The following RTN1 variants were observed in gnomAD, a reference collection of about 807,000 sequenced individuals.
RTN1 encodes the protein reticulon 1, also known as reticulon-1.
In RTN1, 25 loss-of-function variants were observed where a neutral mutation model predicts 65.5. The observed-to-expected ratio is 0.38, with a 90% CI of 0.28 to 0.53. The LOEUF (loss-of-function observed/expected upper bound fraction) is 0.53. Ranked by LOEUF, RTN1 falls within the 20% of genes least tolerant of loss-of-function variation. The pLI is 0.79. For missense variants in RTN1, 983 were observed against 1,025.4 expected (o/e 0.96, Z 0.57); for synonymous variants, 471 against 447.6 (o/e 1.05, Z -0.66).
At chr14:59,621,119 C>T (rs912258636) in intron 3 of RTN1, among the ~76,000 whole-genome samples, 6 of 152,166 alleles carry the variant, frequency 3.9e-5, no homozygotes, top group Admixed American at 6.5e-5. Flanking sequence ...TATCAACTTG[C>T]GTAGGAAGCT....
intron 3 of RTN1, among the ~76,000 whole-genome samples, chr14:59,639,900 ATATAT>A (rs1882741160): frequency 6.6e-6 from 1 of 152,170 alleles, no homozygotes; most frequent in Non-Finnish European, 1.5e-5. Flanking sequence ...CATCATTTTA[ATATAT>A]CACTATTCAA....
chr14:59,813,130 G>A (rs1886759064), intron 1 of RTN1, among the ~76,000 whole-genome samples: 1 of 152,156 alleles, frequency 6.6e-6, no homozygotes. Flanking sequence ...CAGGGACAAA[G>A]TAAGGGCTTT....
At chr14:59,628,087 C>T (rs1433460742) in intron 3 of RTN1, among the ~76,000 whole-genome samples, 1 of 151,938 alleles carries the variant, frequency 6.6e-6, no homozygotes, top group Non-Finnish European at 1.5e-5. Flanking sequence ...GTAATCCCAA[C>T]ACTTTGGGAG....
chr14:59,870,411 C>T lies in RTN1; in HGVS notation c.220G>A (p.Ala74Thr). 2 of 1,524,502 alleles carry T rather than the reference C, an allele frequency of 1.3e-6. No individual in the cohort carries two copies. The highest frequency in any genetic ancestry group is 1.7e-6 in the Non-Finnish European group (2 of 1,148,288). 94.4% of individuals were successfully genotyped at this position (1,524,502 alleles called of 1,614,324 possible). A position where few individuals can be genotyped will look rare whatever the true frequency, so the allele number is the denominator to read the frequency against. The change falls in exon 1 of 9, where the codon GCC (alanine) becomes ACC (threonine). Residue 74 changes from alanine (A) to threonine (T), a missense_variant. Ala to Thr is a moderately conservative substitution (Grantham distance 58, BLOSUM62 0). Coordinates refer to ENST00000267484, the MANE Select transcript of RTN1 (RefSeq NM_021136.3). The surrounding 1 kb of genome is among the most constrained non-coding windows in gnomAD (Gnocchi z 5.1). The stretch of plus-strand genomic sequence containing the variant: ...TTACCTGTGGATGCAGTTTCCATGG[C>T]AACGGGCGACTGCCGGGCGGGGCCC... Reference protein sequence around the residue: ...GSGPARQSPVAMETASTGVAG... With the variant: ...GSGPARQSPVTMETASTGVAG...
At position 59,870,686 on chromosome 14, in the gene RTN1, C is replaced by T; in HGVS notation, c.-56G>A. On this transcript the variant is annotated 5_prime_UTR_variant, in exon 1 of 9. Transcript: ENST00000267484. The surrounding 1 kb of genome is among the most constrained non-coding windows in gnomAD (Gnocchi z 5.1). Reference sequence around the variant, plus strand: ...GCTTGGCTGGGCAGAGGCTCGGTGGCTGCGCGGGCGCTCCCTGCTGCTGTC... The same window carrying T: ...GCTTGGCTGGGCAGAGGCTCGGTGGTTGCGCGGGCGCTCCCTGCTGCTGTC... 1 of 1,310,746 alleles carries T rather than the reference C, an allele frequency of 7.6e-7. No homozygotes were observed. Among genetic ancestry groups the T allele is most frequent in the East Asian group, 3.2e-5 (1 of 31,156 alleles). The allele number at this position is 1,310,746 out of a possible 1,614,324, so 81.2% of individuals were successfully genotyped here. A position where few individuals can be genotyped will look rare whatever the true frequency, so the allele number is the denominator to read the frequency against.
Position 59,727,112 on chromosome 14 carries a change from G to T in RTN1, c.1572C>A (p.Asp524Glu), listed in dbSNP as rs372414575. 1.0e-4 allele frequency: 167 copies of T among 1,609,462 alleles called. No homozygotes were observed. Among genetic ancestry groups the T allele is most frequent in the Non-Finnish European group, 1.4e-4 (163 of 1,178,062 alleles). ...CAGGCTGGGGCTCAGTTGAGGGGTA[G>T]TCGAGGAAGGAACCCGGCTCGGCCA... ...RGLAEPGSFLDYPSTEPQPGP... is the reference protein window; with the variant it reads ...RGLAEPGSFLEYPSTEPQPGP... Residue 524 changes from aspartate (D) to glutamate (E), a missense_variant, in exon 3 of 9, where the codon GAC becomes GAA. Transcript: ENST00000267484. This position sits in a 1 kb window ranked among gnomAD's most constrained non-coding sequence, Gnocchi z 4.2.
At chr14:59,714,044 G>A (rs1396438966) in intron 3 of RTN1, among the ~76,000 whole-genome samples, 1 of 152,102 alleles carries the variant, frequency 6.6e-6, no homozygotes. Context: ...GGCCAGCCTG[G>A]CCAACATAGT....
At chr14:59,664,535 T>C (rs943321016) in intron 3 of RTN1, among the ~76,000 whole-genome samples, 2 of 152,202 alleles carry the variant, frequency 1.3e-5, no homozygotes, top group African/African-American at 4.8e-5. Context: ...CATTATTTTT[T>C]ATTTAATAGA....
At chr14:59,701,645 A>C (rs1884180768) in intron 3 of RTN1, among the ~76,000 whole-genome samples, 2 of 152,166 alleles carry the variant, frequency 1.3e-5, no homozygotes, top group African/African-American at 4.8e-5. Context: ...AAATCTATAG[A>C]AATAGAAAAT....
At chr14:59,723,157 A>G (rs1202794131) in intron 3 of RTN1, among the ~76,000 whole-genome samples, 1 of 152,172 alleles carries the variant, frequency 6.6e-6, no homozygotes, top group Non-Finnish European at 1.5e-5. Context: ...ACAAATATAC[A>G]TTACTTTATT....
chr14:59,749,964 A>C (rs1594721851), intron 1 of RTN1, among the ~76,000 whole-genome samples: 2 of 102,514 alleles, frequency 2.0e-5, no homozygotes, highest in East Asian at 4.5e-4. Flanking sequence ...TTATATATAT[A>C]TTATATACAT....
At chr14:59,864,227 C>T (rs1422103668) in intron 1 of RTN1, among the ~76,000 whole-genome samples, 1 of 152,154 alleles carries the variant, frequency 6.6e-6, no homozygotes, top group African/African-American at 2.4e-5. Context: ...ACCCTTTGCT[C>T]ATCCCCTATC....
chr14:59,638,686 G>A (rs1882716320), intron 3 of RTN1, among the ~76,000 whole-genome samples: 1 of 152,114 alleles, frequency 6.6e-6, no homozygotes, highest in Non-Finnish European at 1.5e-5. Context: ...CTTTTCTCCT[G>A]CAGCTTCCTC....
At chr14:59,683,969 A>G (rs1208948297) in intron 3 of RTN1, among the ~76,000 whole-genome samples, 1 of 152,094 alleles carries the variant, frequency 6.6e-6, no homozygotes, top group Middle Eastern at 3.2e-3. Context: ...TAAAAGTAGT[A>G]ATTTTAGTGA....
chr14:59,826,674 A>C (rs1186013665), intron 1 of RTN1, among the ~76,000 whole-genome samples: 1 of 152,186 alleles, frequency 6.6e-6, no homozygotes, highest in Non-Finnish European at 1.5e-5. Flanking sequence ...TCAAACTTTA[A>C]ATATGAAGAA....
chr14:59,856,966 G>C (rs1353148965), intron 1 of RTN1, among the ~76,000 whole-genome samples: 1 of 152,064 alleles, frequency 6.6e-6, no homozygotes, highest in Non-Finnish European at 1.5e-5. Flanking sequence ...GATACATAAA[G>C]CAGTCATATG....
intron 2 of RTN1, among the ~76,000 whole-genome samples, chr14:59,736,010 A>G (rs1005381525): frequency 3.3e-5 from 5 of 152,216 alleles, no homozygotes; most frequent in African/African-American, 1.2e-4. Flanking sequence ...AAGAGACAAC[A>G]TACCAAAATC....
intron 3 of RTN1, among the ~76,000 whole-genome samples, chr14:59,650,587 A>G (rs1256815160): frequency 1.3e-5 from 2 of 152,214 alleles, no homozygotes; most frequent in Admixed American, 6.5e-5. Context: ...ATGTATAAAA[A>G]TCACTAGAAT....
intron 3 of RTN1, among the ~76,000 whole-genome samples, chr14:59,704,568 C>T (rs1884251329): frequency 6.6e-6 from 1 of 152,352 alleles, no homozygotes; most frequent in Admixed American, 6.5e-5. Flanking sequence ...TTTCCATTGA[C>T]AGGGTGTCCC....
Sources: gnomAD v4.1 joint callset for allele counts (sites outside exome capture counted in the v4.1 genomes callset) on GRCh38, gnomAD v4.1.1 for gene constraint, Gnocchi (gnomAD v3.1) non-coding constraint, MANE v1.5 for transcripts, NCBI Gene and HGNC (gene_info 2026-07-23, HGNC 2026-07-21) for gene names.